Variants in MYO16 observed in about 807,000 individuals in gnomAD.
The protein encoded by MYO16 is myosin XVI.
Under a neutral mutation model 205.3 loss-of-function variants are expected in MYO16, and 94 were observed. The observed-to-expected ratio is 0.46, with a 90% confidence interval of 0.39 to 0.54. MYO16 has a LOEUF of 0.54. Ranked by LOEUF, MYO16 falls within the 20% of genes least tolerant of loss-of-function variation. The pLI is 0.00. For missense variants in MYO16, 2,315 were observed against 2,387.5 expected, an observed-to-expected ratio of 0.97 and a Z score of 0.63; for synonymous variants, 988 against 954.0, an observed-to-expected ratio of 1.04 and a Z score of -0.66.
chr13:108,918,316 G>A (rs759775518), intron 16 of MYO16, among the ~76,000 whole-genome samples: 1 of 152,198 alleles, frequency 6.6e-6, no homozygotes, highest in African/African-American at 2.4e-5. Flanking sequence ...AAATAAACGT[G>A]TGCACACAAC....
At chr13:109,120,242 A>G (rs1228137221) in intron 28 of MYO16, 128 bp from the exon 29 acceptor site, 2 of 631,758 alleles carry the variant, frequency 3.2e-6, no homozygotes, top group African/African-American at 1.8e-5. Flanking sequence ...AATCAGAGAC[A>G]TGTACTCTAA....
At chr13:109,092,725 A>C (rs1301254920) in intron 27 of MYO16, among the ~76,000 whole-genome samples, 3 of 152,174 alleles carry the variant, frequency 2.0e-5, no homozygotes, top group Non-Finnish European at 2.9e-5. Context: ...TCTAAAATAA[A>C]AGTTAAAAAA....
chr13:108,517,159 G>A, the MYO16 span, among the ~76,000 whole-genome samples: 1 of 152,050 alleles, frequency 6.6e-6, no homozygotes, highest in Non-Finnish European at 1.5e-5. Context: ...TAAACTTCTG[G>A]CTTCAAGTGA....
chr13:109,089,369 A>G (rs1221906411), intron 27 of MYO16, among the ~76,000 whole-genome samples: 3 of 151,940 alleles, frequency 2.0e-5, no homozygotes, highest in Non-Finnish European at 4.4e-5. Flanking sequence ...GCCCGCCACC[A>G]TGCCCAGCTA....
intron 16 of MYO16, among the ~76,000 whole-genome samples, chr13:108,934,051 G>A (rs1882376120): frequency 6.6e-6 from 1 of 152,086 alleles, no homozygotes; most frequent in South Asian, 2.1e-4. Context: ...GAATAATGCT[G>A]CAAAGAACAT....
At chr13:108,586,599 A>G in the MYO16 span, among the ~76,000 whole-genome samples, 1 of 152,204 alleles carries the variant, frequency 6.6e-6, no homozygotes, top group Non-Finnish European at 1.5e-5. Context: ...AAGGGGCTGT[A>G]TTTGTCCATT....
At chr13:108,966,016 A>G (rs1594432178) in intron 20 of MYO16, among the ~76,000 whole-genome samples, 1 of 152,214 alleles carries the variant, frequency 6.6e-6, no homozygotes, top group Non-Finnish European at 1.5e-5. Context: ...TTAAATAAAT[A>G]TAGACATCTC....
chr13:108,520,148 T>A, the MYO16 span, among the ~76,000 whole-genome samples: 1 of 152,292 alleles, frequency 6.6e-6, no homozygotes. Context: ...TCTCTCTCCT[T>A]CTATGTGACC....
chr13:108,982,950 G>A (rs1372145263), intron 20 of MYO16, among the ~76,000 whole-genome samples: 2 of 151,904 alleles, frequency 1.3e-5, no homozygotes, highest in African/African-American at 4.8e-5. Context: ...TTCTGATTGG[G>A]ATGGCTAAAA....
chr13:108,584,601 A>T, the MYO16 span, among the ~76,000 whole-genome samples: 1 of 152,168 alleles, frequency 6.6e-6, no homozygotes, highest in African/African-American at 2.4e-5. Flanking sequence ...TGTGCAGAGT[A>T]ACCAGCCTCT....
In MYO16 at chr13:108,950,823, CACACTGCTGTGTGTTA is replaced by C. The variant is rs911144118; in HGVS notation, c.1926-6858_1926-6843del. ...TTTCTCAGACGGGTAAGTGGCTAGACACACTGCTGTGTGTTAACACTGGAATACTGCTCGGCAGCAG... is the reference window on the plus strand; with the variant it reads ...TTTCTCAGACGGGTAAGTGGCTAGACACACTGGAATACTGCTCGGCAGCAG... On this transcript the variant is annotated intron_variant, in intron 16 of 34. Coordinates refer to ENST00000457511, the MANE Select transcript of MYO16 (RefSeq NM_001198950.3). Among the ~76,000 whole-genome samples, 49 of 152,296 alleles carry C rather than the reference CACACTGCTGTGTGTTA, an allele frequency of 3.2e-4. 2 individuals are homozygous for C. Among genetic ancestry groups the C allele is most frequent in the African/African-American group, 1.2e-3 (48 of 41,566 alleles).
chr13:108,686,987 G>A (rs545350131), intron 2 of MYO16, among the ~76,000 whole-genome samples: 49 of 152,186 alleles, frequency 3.2e-4, no homozygotes, highest in Non-Finnish European at 6.2e-4. Flanking sequence ...AGTCCCCTAC[G>A]ATTCCACCAT....
chr13:108,567,489 T>A, the MYO16 span, among the ~76,000 whole-genome samples: 2 of 152,032 alleles, frequency 1.3e-5, no homozygotes, highest in Non-Finnish European at 2.9e-5. Context: ...TGAGGAAATG[T>A]GGGAGTGGAG....
upstream of MYO16, chr13:108,629,432 G>C (rs1879872207): frequency 1.2e-5 from 2 of 163,576 alleles, no homozygotes; most frequent in Non-Finnish European, 2.6e-5. Flanking sequence ...CATCAGCTTA[G>C]TTTGCTGCCA....
At chr13:109,068,480 GC>G (rs1887822328) in intron 27 of MYO16, among the ~76,000 whole-genome samples, 2 of 150,138 alleles carry the variant, frequency 1.3e-5, no homozygotes, top group South Asian at 4.3e-4. Flanking sequence ...AATGGGCATG[GC>G]TATACGCCTG....
chr13:108,684,243 G>A (rs1486969241), intron 2 of MYO16, among the ~76,000 whole-genome samples: 1 of 152,204 alleles, frequency 6.6e-6, no homozygotes, highest in African/African-American at 2.4e-5. Flanking sequence ...GCAACCCCTA[G>A]GGCATTCTCT....
In MYO16 at chr13:108,746,899, G is replaced by GA. The variant is rs1239373784; in HGVS notation, c.507+19321dup. On this transcript the variant is annotated intron_variant, in intron 4 of 34. Coordinates refer to ENST00000457511, the MANE Select transcript of MYO16 (RefSeq NM_001198950.3). Reference sequence around the variant, plus strand: ...ATACCAAACAAAAAGGGAAAATCTTGAAAAAGCTAGGCAGGAAAGATACCT... The same window carrying GA: ...ATACCAAACAAAAAGGGAAAATCTTGAAAAAAGCTAGGCAGGAAAGATACCT... 2.6e-5 allele frequency among the ~76,000 whole-genome samples: 4 copies of GA among 151,986 alleles called. No homozygotes were observed. In the South Asian group the frequency reaches 6.2e-4, roughly 24 times the overall value.
intron 1 of MYO16, among the ~76,000 whole-genome samples, chr13:108,607,241 G>C (rs539951954): frequency 1.3e-5 from 2 of 152,298 alleles, no homozygotes; most frequent in South Asian, 2.1e-4. Flanking sequence ...GCATAACTGT[G>C]TTTTGAAACG....
At chr13:108,604,726 T>A (rs547435913) in intron 1 of MYO16, among the ~76,000 whole-genome samples, 1 of 152,336 alleles carries the variant, frequency 6.6e-6, no homozygotes, top group South Asian at 2.1e-4. Flanking sequence ...TTAGCTGATA[T>A]TTATTTTACG....
Sources: gnomAD v4.1 joint callset for allele counts (sites outside exome capture counted in the v4.1 genomes callset) on GRCh38, gnomAD v4.1.1 for gene constraint, MANE v1.5 for transcripts, NCBI Gene and HGNC (gene_info 2026-07-23, HGNC 2026-07-21) for gene names.